Variants in IMMP1L observed in about 807,000 individuals in gnomAD.
IMMP1L encodes the protein mitochondrial inner membrane protease subunit 1.
In IMMP1L, 24 loss-of-function variants were observed where a neutral mutation model predicts 21.8. The observed-to-expected ratio is 1.10, with a 90% CI of 0.80 to 1.55. The LOEUF is 1.55. Among genes scored for constraint, IMMP1L ranks in the 40% most tolerant of loss-of-function variants. The pLI, the probability that IMMP1L is intolerant of heterozygous loss-of-function variation, is 0.00. For missense variants in IMMP1L, 195 were observed against 200.7 expected, an observed-to-expected ratio of 0.97 and a Z score of 0.17; for synonymous variants, 46 against 62.8, an observed-to-expected ratio of 0.73 and a Z score of 1.26.
At chr11:31,504,165 T>C (rs61878480) in intron 1 of IMMP1L, among the ~76,000 whole-genome samples, 38,061 of 152,092 alleles carry the variant, frequency 0.25, 5,290 homozygotes, top group Non-Finnish European at 0.32. Context: ...CTTCGAAATT[T>C]TGGAGTAGGC....
intron 1 of IMMP1L, among the ~76,000 whole-genome samples, chr11:31,483,541 C>T (rs1310101332): frequency 2.0e-5 from 3 of 151,830 alleles, no homozygotes; most frequent in African/African-American, 7.2e-5. Context: ...TCCCTTGATC[C>T]CAATCATGTA....
At chr11:31,506,963 GA>G (rs1330585885) in intron 1 of IMMP1L, among the ~76,000 whole-genome samples, 1 of 146,272 alleles carries the variant, frequency 6.8e-6, no homozygotes, top group East Asian at 2.1e-4. Context: ...CGTCTAAAAA[GA>G]AAACAAAAAA....
At chr11:31,505,994 T>C (rs1186426558) in intron 1 of IMMP1L, among the ~76,000 whole-genome samples, 2 of 152,104 alleles carry the variant, frequency 1.3e-5, no homozygotes, top group African/African-American at 4.8e-5. Context: ...GGTCAAAAGT[T>C]ATATGCGTGT....
intron 1 of IMMP1L, among the ~76,000 whole-genome samples, chr11:31,501,561 T>A (rs1407011971): frequency 1.3e-5 from 2 of 152,088 alleles, no homozygotes; most frequent in African/African-American, 4.8e-5. Flanking sequence ...CATTACCCAG[T>A]CTCAGGTATT....
chr11:31,472,170 T>C (rs1034527898), intron 1 of IMMP1L, among the ~76,000 whole-genome samples: 1 of 152,222 alleles, frequency 6.6e-6, no homozygotes, highest in Admixed American at 6.5e-5. Context: ...CTGTGAAGTC[T>C]CGTTTGCCAT....
intron 3 of IMMP1L, among the ~76,000 whole-genome samples, chr11:31,456,978 T>G (rs913781168): frequency 3.7e-5 from 5 of 135,428 alleles, no homozygotes; most frequent in African/African-American, 1.4e-4. Flanking sequence ...CTCCACACAA[T>G]TCTATATAAA....
At chr11:31,440,498 C>G (rs1054094934) in intron 4 of IMMP1L, among the ~76,000 whole-genome samples, 38 of 152,156 alleles carry the variant, frequency 2.5e-4, no homozygotes, top group African/African-American at 8.7e-4. Context: ...TCAAGCGATT[C>G]TCCTGCCTCA....
intron 1 of IMMP1L, among the ~76,000 whole-genome samples, chr11:31,504,540 T>C (rs1269001228): frequency 1.3e-5 from 2 of 152,328 alleles, no homozygotes; most frequent in East Asian, 1.9e-4. Flanking sequence ...AAAAACATTG[T>C]GTTGATAAGG....
chr11:31,435,165 T>C (rs190027508), intron 4 of IMMP1L, among the ~76,000 whole-genome samples: 19 of 152,196 alleles, frequency 1.2e-4, no homozygotes, highest in African/African-American at 4.6e-4. Flanking sequence ...AAAAGTAAAA[T>C]TAAAACATTA....
intron 1 of IMMP1L, among the ~76,000 whole-genome samples, chr11:31,472,336 G>C (rs1367752902): frequency 6.6e-6 from 1 of 152,150 alleles, no homozygotes; most frequent in Non-Finnish European, 1.5e-5. Flanking sequence ...TCTTGAAACT[G>C]ATTTGGTCAA....
intron 4 of IMMP1L, among the ~76,000 whole-genome samples, chr11:31,439,257 G>A (rs1245703907): frequency 6.6e-6 from 1 of 151,750 alleles, no homozygotes; most frequent in Non-Finnish European, 1.5e-5. Context: ...TGCTTGACCT[G>A]TCCTATGGGT....
intron 1 of IMMP1L, among the ~76,000 whole-genome samples, chr11:31,488,839 T>A (rs1312712641): frequency 6.6e-6 from 1 of 152,048 alleles, no homozygotes; most frequent in African/African-American, 2.4e-5. Context: ...ATAATAATTC[T>A]ATCTCAGTTC....
At position 31,486,390 on chromosome 11, in the gene IMMP1L, T is replaced by C. The variant is rs190171306; in HGVS notation, c.-29-23085A>G. Among the ~76,000 whole-genome samples, 9 of 152,034 alleles carry C rather than the reference T, an allele frequency of 5.9e-5. No individual in the cohort carries two copies. In the East Asian group the frequency reaches 1.7e-3, roughly 29 times the overall value. ...ATGTTACTAAATAGAATAAGTGTGC[T>C]AACAAAGTGAAACAGAGTTACTGCA... On this transcript the variant is annotated intron_variant, in intron 1 of 5. Coordinates refer to ENST00000532287, the MANE Select transcript of IMMP1L (RefSeq NM_001304274.2).
At chr11:31,463,074 A>G (rs1954205703) in intron 2 of IMMP1L, 98 bp downstream of exon 2, 1 of 881,044 alleles carries the variant, frequency 1.1e-6, no homozygotes, top group Non-Finnish European at 1.7e-6. Context: ...TAGTCATTAA[A>G]TAACTTCAAC....
intron 1 of IMMP1L, among the ~76,000 whole-genome samples, chr11:31,468,310 T>C (rs1276627834): frequency 6.6e-6 from 1 of 152,112 alleles, no homozygotes; most frequent in Non-Finnish European, 1.5e-5. Flanking sequence ...TTGAGAAAAA[T>C]GCTATGACTG....
intron 1 of IMMP1L, among the ~76,000 whole-genome samples, chr11:31,492,297 T>C (rs1441143178): frequency 6.6e-6 from 1 of 152,226 alleles, no homozygotes; most frequent in African/African-American, 2.4e-5. Flanking sequence ...ACCTCTGCTA[T>C]CTTTCAAATG....
At chr11:31,463,065 A>T in intron 2 of IMMP1L, 107 bp downstream of exon 2, 1 of 768,032 alleles carries the variant, frequency 1.3e-6, no homozygotes. Flanking sequence ...TTCACAGTTT[A>T]GTCATTAAAT....
intron 1 of IMMP1L, among the ~76,000 whole-genome samples, chr11:31,473,560 A>G (rs956281516): frequency 5.9e-5 from 9 of 152,230 alleles, no homozygotes; most frequent in African/African-American, 2.2e-4. Flanking sequence ...GACACATAGG[A>G]AAGATAGAGG....
chr11:31,487,075 T>G (rs1452901900), intron 1 of IMMP1L, among the ~76,000 whole-genome samples: 1 of 151,722 alleles, frequency 6.6e-6, no homozygotes, highest in Non-Finnish European at 1.5e-5. Flanking sequence ...TGTATCACTA[T>G]ATTTTACAAC....
Sources: gnomAD v4.1 joint callset for allele counts (sites outside exome capture counted in the v4.1 genomes callset) on GRCh38, gnomAD v4.1.1 for gene constraint, MANE v1.5 for transcripts, NCBI Gene and HGNC (gene_info 2026-07-23, HGNC 2026-07-21) for gene names.